TRAPPC8: variants seen among roughly 807,000 people sequenced by gnomAD.
TRAPPC8 encodes general sporulation gene 1 homolog.
A neutral mutation model predicts 174.3 loss-of-function variants in TRAPPC8; 54 were observed. That is an observed-to-expected ratio of 0.31 (90% CI 0.25 to 0.39). The LOEUF (loss-of-function observed/expected upper bound fraction) is 0.39, where lower values mean the gene tolerates loss of function less well. TRAPPC8 is among the 10% of genes least tolerant of loss of function. TRAPPC8 has a pLI of 1.00. For synonymous variants in TRAPPC8, 630 were observed against 579.9 expected, an observed-to-expected ratio of 1.09 and a Z score of -1.24; for missense variants, 1,531 against 1,699.1, an observed-to-expected ratio of 0.90 and a Z score of 1.74.
chr18:31,853,761 T>G, intron 22 of TRAPPC8, 88 bp downstream of exon 22: 1 of 939,374 alleles, frequency 1.1e-6, no homozygotes, highest in Non-Finnish European at 1.5e-6. Context: ...AAGTTAATCC[T>G]AATAATCTTA....
intron 14 of TRAPPC8, among the ~76,000 whole-genome samples, chr18:31,873,056 C>T (rs1195346382): frequency 1.3e-4 from 16 of 119,676 alleles, no homozygotes; most frequent in South Asian, 2.7e-4. Flanking sequence ...TTCACTCTGT[C>T]GCCCAGGCTG....
chr18:31,834,020 A>AAT (rs1174321513), intron 27 of TRAPPC8, among the ~76,000 whole-genome samples: 1 of 150,918 alleles, frequency 6.6e-6, no homozygotes, highest in East Asian at 1.9e-4. Flanking sequence ...AAAACAAAAA[A>AAT]CAGAAATTAC....
intron 9 of TRAPPC8, among the ~76,000 whole-genome samples, chr18:31,906,788 G>A (rs895792402): frequency 6.6e-6 from 1 of 152,090 alleles, no homozygotes; most frequent in Non-Finnish European, 1.5e-5. Flanking sequence ...TTATATATAA[G>A]GCATTATGCT....
At chr18:31,927,961 C>T (rs199952030) in intron 2 of TRAPPC8, among the ~76,000 whole-genome samples, 3 of 151,796 alleles carry the variant, frequency 2.0e-5, no homozygotes, top group African/African-American at 4.8e-5. Context: ...TTTAGACAAA[C>T]GTGGCCAACA....
Position 31,852,600 on chromosome 18 carries a change from T to C in TRAPPC8, c.3497A>G (p.Glu1166Gly). Residue 1166 changes from glutamate to glycine, a missense_variant, in exon 23 of 29, where the codon GAA becomes GGA. By Grantham distance (98) the Glu-to-Gly change is moderately conservative. Transcript: ENST00000283351. ...FCFKAIRCEK[E>G]EAATQSSEKY... ...TAAAAGTAAAGTGAATTTACCTTCT[T>C]CTTTCTCACATCTTATTGCCTTAAA... 6.2e-7 allele frequency: 1 copy of C among 1,614,086 alleles called. No homozygotes were observed.
chr18:31,867,492 C>T lies in TRAPPC8; in HGVS notation c.2389-16G>A, dbSNP rs1290283992. The stretch of plus-strand genomic sequence containing the variant: ...CACTTGTAACCTAAAAAATAAATTT[C>T]ATAAATTATACATTCCAATGAACAA... On this transcript the variant is annotated splice_polypyrimidine_tract_variant and intron_variant, in intron 16 of 28. Transcript: ENST00000283351. 5 of 1,536,494 alleles carry T rather than the reference C, an allele frequency of 3.3e-6. No homozygotes were observed. Among genetic ancestry groups the T allele is most frequent in the Non-Finnish European group, 4.5e-6 (5 of 1,114,322 alleles).
In TRAPPC8 at chr18:31,916,622, T is replaced by C. The variant is rs567623050; in HGVS notation, c.443-176A>G. On this transcript the variant is annotated intron_variant, in intron 3 of 28. Transcript: ENST00000283351. ...ATCTCGACTCAACACAACCTCCGCC[T>C]CCCAGGTTCAAGTGATTCTCCTGCC... is the stretch of plus-strand genomic sequence containing the variant. 6.6e-5 allele frequency among the ~76,000 whole-genome samples: 10 copies of C among 152,284 alleles called. No individual in the cohort carries two copies. The South Asian group carries it at 1.7e-3, about 25-fold the overall frequency.
intron 1 of TRAPPC8, among the ~76,000 whole-genome samples, chr18:31,942,280 C>T (rs1045191517): frequency 1.3e-5 from 2 of 152,232 alleles, no homozygotes; most frequent in South Asian, 2.1e-4. Flanking sequence ...TTGCAAGTGC[C>T]TAATTCCTTC....
chr18:31,866,421 A>C (rs2034589174), intron 18 of TRAPPC8, among the ~76,000 whole-genome samples: 1 of 152,190 alleles, frequency 6.6e-6, no homozygotes, highest in Non-Finnish European at 1.5e-5. Context: ...GACAGAAGAT[A>C]GAACTTAAGG....
chr18:31,882,121 T>C (rs1294821044), intron 12 of TRAPPC8, among the ~76,000 whole-genome samples: 1 of 152,124 alleles, frequency 6.6e-6, no homozygotes, highest in African/African-American at 2.4e-5. Flanking sequence ...CAAAGAAAAG[T>C]AAATTGTTCT....
intron 1 of TRAPPC8, chr18:31,939,446 C>T (rs2038238807): frequency 6.6e-6 from 1 of 152,168 alleles, no homozygotes; most frequent in Non-Finnish European, 1.5e-5. Flanking sequence ...TTTATCTAAG[C>T]ATCCTCTTAC....
chr18:31,910,652 T>C (rs1472380133), intron 5 of TRAPPC8, among the ~76,000 whole-genome samples: 2 of 152,186 alleles, frequency 1.3e-5, no homozygotes, highest in African/African-American at 4.8e-5. Context: ...TTAATAAGAA[T>C]ACAGTGAGTA....
intron 4 of TRAPPC8, among the ~76,000 whole-genome samples, chr18:31,915,353 C>A (rs888583829): frequency 2.0e-5 from 3 of 150,488 alleles, no homozygotes; most frequent in Non-Finnish European, 4.4e-5. Context: ...CCCAGCTACC[C>A]GGGAGGCTGA....
In TRAPPC8 at chr18:31,899,911, A is replaced by G. The variant is rs184385161; in HGVS notation, c.1490+1014T>C. ...CAATGAGCTGAGATCACACCATTGC[A>G]TTCCAGGTGGGTGACAATGCGAGAC... On this transcript the variant is annotated intron_variant, in intron 10 of 28. Coordinates refer to ENST00000283351, the MANE Select transcript of TRAPPC8 (RefSeq NM_014939.5). Among the ~76,000 whole-genome samples the G allele has an allele frequency of 9.2e-5, 14 of 152,104 alleles. No individual in the cohort carries two copies. In the East Asian group the frequency reaches 2.7e-3, roughly 29 times the overall value.
At chr18:31,860,170 T>C (rs1000418893) in intron 19 of TRAPPC8, among the ~76,000 whole-genome samples, 1 of 152,204 alleles carries the variant, frequency 6.6e-6, no homozygotes, top group Non-Finnish European at 1.5e-5. Context: ...CCTGAAGATA[T>C]ACATGTGTGA....
At chr18:31,847,587 G>A (rs1452859458) in intron 25 of TRAPPC8, among the ~76,000 whole-genome samples, 4 of 152,174 alleles carry the variant, frequency 2.6e-5, no homozygotes, top group Non-Finnish European at 5.9e-5. Flanking sequence ...ATGGACTAAT[G>A]ACAGTTTGCC....
intron 2 of TRAPPC8, among the ~76,000 whole-genome samples, chr18:31,925,254 C>T (rs1168922454): frequency 1.4e-5 from 2 of 146,820 alleles, no homozygotes; most frequent in African/African-American, 2.5e-5. Flanking sequence ...AAAAAAGGCA[C>T]AGGATAGAAG....
chr18:31,911,749 T>C (rs1598726993), intron 5 of TRAPPC8, among the ~76,000 whole-genome samples: 2 of 81,028 alleles, frequency 2.5e-5, no homozygotes, highest in South Asian at 5.0e-4. Context: ...AGAGTAAGAC[T>C]CCGTCTCAAA....
intron 11 of TRAPPC8, among the ~76,000 whole-genome samples, chr18:31,895,144 G>A (rs980298645): frequency 2.0e-5 from 3 of 152,002 alleles, no homozygotes; most frequent in Admixed American, 1.3e-4. Flanking sequence ...TTGCTATGAC[G>A]GTATTAGCAA....
Sources: allele counts gnomAD v4.1 joint callset (sites outside exome capture counted in the v4.1 genomes callset), GRCh38; gene constraint gnomAD v4.1.1; transcripts MANE v1.5; gene names NCBI Gene and HGNC (gene_info 2026-07-23, HGNC 2026-07-21).